TXNDC16: variants seen among roughly 807,000 people sequenced by gnomAD.
TXNDC16 encodes thioredoxin domain containing 16, also known as thioredoxin domain-containing protein 16.
Under a neutral mutation model 85.6 loss-of-function variants are expected in TXNDC16, and 74 were observed. The observed-to-expected ratio is 0.86, with a 90% CI of 0.72 to 1.05. The LOEUF (loss-of-function observed/expected upper bound fraction) is 1.05, where lower values mean the gene tolerates loss of function less well. Ranked by LOEUF, TXNDC16 falls within the 50% of genes least tolerant of loss-of-function variation. TXNDC16 has a pLI of 0.00. For missense variants in TXNDC16, 959 were observed against 947.0 expected (o/e 1.01, Z -0.17); for synonymous variants, 335 against 326.5 (o/e 1.03, Z -0.28).
chr14:52,464,162 A>G (rs1227994691), intron 16 of TXNDC16, among the ~76,000 whole-genome samples: 1 of 152,258 alleles, frequency 6.6e-6, no homozygotes, highest in Non-Finnish European at 1.5e-5. Flanking sequence ...AATGTAAAAA[A>G]TAATATGAAA....
Position 52,515,217 on chromosome 14 carries a change from T to C in TXNDC16, c.515-247A>G, listed in dbSNP as rs1332164441. On this transcript the variant is annotated intron_variant, in intron 7 of 20. Coordinates refer to ENST00000281741, the MANE Select transcript of TXNDC16 (RefSeq NM_020784.3). ...TGAGTTTTTACTTGAGAATATAATA[T>C]ACAACAAACTTGTGGTAGTTTCTTT... 4.6e-5 allele frequency among the ~76,000 whole-genome samples: 7 copies of C among 152,180 alleles called. No homozygotes were observed. In the East Asian group the frequency reaches 1.3e-3, roughly 29 times the overall value.
intron 9 of TXNDC16, 119 bp from the exon 10 acceptor site, chr14:52,491,124 A>G: frequency 9.1e-7 from 1 of 1,100,954 alleles, no homozygotes; most frequent in Non-Finnish European, 1.3e-6. Flanking sequence ...ATAATCCAAC[A>G]CTAACAGAAA....
Position 52,432,450 on chromosome 14 carries a change from TATC to T in TXNDC16, c.2329_2331del (p.Asp777del), listed in dbSNP as rs2034923843. On this transcript the variant is annotated inframe_deletion, in exon 21 of 21. Coordinates refer to ENST00000281741, the MANE Select transcript of TXNDC16 (RefSeq NM_020784.3). ...GCCGATTTATCTTCATGTTGTTCCTTATCATTCTCCTGCACATCTGTTTCTTTC... is the reference window on the plus strand; with the variant it reads ...GCCGATTTATCTTCATGTTGTTCCTTATTCTCCTGCACATCTGTTTCTTTC... The T allele has an allele frequency of 6.2e-7, 1 of 1,614,086 alleles. No individual in the cohort carries two copies. The highest frequency in any genetic ancestry group is 1.7e-5 in the Admixed American group (1 of 60,018).
intron 12 of TXNDC16, among the ~76,000 whole-genome samples, chr14:52,484,436 A>C (rs890364545): frequency 3.9e-5 from 6 of 152,236 alleles, no homozygotes; most frequent in Admixed American, 6.5e-5. Flanking sequence ...TCAACAATGG[A>C]CAACATATAC....
chr14:52,529,413 G>A (rs1054343949), intron 6 of TXNDC16, among the ~76,000 whole-genome samples: 2 of 149,924 alleles, frequency 1.3e-5, no homozygotes, highest in African/African-American at 2.5e-5. Context: ...CATGACACAG[G>A]TATACATATG....
rs77983852 is a variant in TXNDC16 at position 52,546,161 on chromosome 14, C to T, written c.-181-1790G>A. Among the ~76,000 whole-genome samples, 738 of 152,102 alleles carry T rather than the reference C, an allele frequency of 4.9e-3. 14 individuals are homozygous for T. The highest frequency in any genetic ancestry group is 0.039 in the Admixed American group (601 of 15,268). On this transcript the variant is annotated intron_variant, in intron 1 of 20. Coordinates refer to ENST00000281741, the MANE Select transcript of TXNDC16 (RefSeq NM_020784.3). ...AAATTGCCATGCATGGTGGCACACA[C>T]CTGTAGTCTCAGCTACCAGGGAAGC...
chr14:52,527,385 T>C (rs1235902481), intron 6 of TXNDC16, among the ~76,000 whole-genome samples: 2 of 152,210 alleles, frequency 1.3e-5, no homozygotes, highest in Non-Finnish European at 2.9e-5. Context: ...CTCAAACATC[T>C]GGTCACAGAA....
chr14:52,514,877 T>C lies in TXNDC16; in HGVS notation c.605+3A>G, dbSNP rs765089556. Reference sequence around the variant, plus strand: ...ATTGTTGACATATGCTTTTTATACATACCCAATACTTTCCAAAAGGGCAAT... The same window carrying C: ...ATTGTTGACATATGCTTTTTATACACACCCAATACTTTCCAAAAGGGCAAT... On this transcript the variant is annotated splice_donor_region_variant and intron_variant, in intron 8 of 20. Transcript: ENST00000281741. 4 of 1,600,218 alleles carry C rather than the reference T, an allele frequency of 2.5e-6. No homozygotes were observed. The South Asian group carries it at 3.4e-5, about 14-fold the overall frequency.
At chr14:52,464,030 G>A (rs1218614025) in intron 16 of TXNDC16, among the ~76,000 whole-genome samples, 1 of 152,160 alleles carries the variant, frequency 6.6e-6, no homozygotes, top group South Asian at 2.1e-4. Context: ...TGGCACACCA[G>A]AACTACCTTT....
intron 6 of TXNDC16, among the ~76,000 whole-genome samples, chr14:52,529,956 ATAT>A (rs914486532): frequency 2.6e-4 from 25 of 94,532 alleles, no homozygotes; most frequent in Admixed American, 7.9e-4. Flanking sequence ...TATATATTAC[ATAT>A]TATAATACAT....
intron 6 of TXNDC16, among the ~76,000 whole-genome samples, chr14:52,532,726 G>A (rs890627373): frequency 5.9e-5 from 9 of 151,800 alleles, no homozygotes; most frequent in Admixed American, 5.2e-4. Context: ...GTGAGCCACC[G>A]CACCCAGCCA....
At chr14:52,482,527 A>G (rs2036173723) in intron 13 of TXNDC16, among the ~76,000 whole-genome samples, 2 of 152,158 alleles carry the variant, frequency 1.3e-5, no homozygotes, top group Non-Finnish European at 2.9e-5. Flanking sequence ...GATAAAAGCA[A>G]TATACTTACT....
At chr14:52,508,940 G>T (rs1467237471) in intron 9 of TXNDC16, among the ~76,000 whole-genome samples, 1 of 152,090 alleles carries the variant, frequency 6.6e-6, no homozygotes, top group African/African-American at 2.4e-5. Context: ...AGCATTAGGA[G>T]ATATACCTAA....
At chr14:52,473,597 A>C (rs1291269855) in intron 14 of TXNDC16, among the ~76,000 whole-genome samples, 2 of 152,316 alleles carry the variant, frequency 1.3e-5, no homozygotes, top group Non-Finnish European at 2.9e-5. Flanking sequence ...TTCCTGTAAA[A>C]TGGTTCCAAT....
intron 6 of TXNDC16, among the ~76,000 whole-genome samples, chr14:52,534,741 AT>A (rs1291128982): frequency 2.6e-5 from 4 of 152,168 alleles, no homozygotes; most frequent in Admixed American, 6.5e-5. Flanking sequence ...TATTAATAAT[AT>A]TTTCTGTTTA....
intron 4 of TXNDC16, among the ~76,000 whole-genome samples, chr14:52,541,371 T>C (rs2037828206): frequency 6.6e-6 from 1 of 152,188 alleles, no homozygotes. Flanking sequence ...AACAGTATGA[T>C]TATCCCTTTT....
chr14:52,499,399 T>C (rs562535398), intron 9 of TXNDC16, among the ~76,000 whole-genome samples: 3 of 152,176 alleles, frequency 2.0e-5, no homozygotes, highest in African/African-American at 7.2e-5. Flanking sequence ...AGAGTTAACA[T>C]ACAGAACATA....
rs566209695 is a variant in TXNDC16, at chr14:52,436,467, G to A, written c.2194+2737C>T. 1.1e-4 allele frequency among the ~76,000 whole-genome samples: 16 copies of A among 152,202 alleles called. No individual in the cohort carries two copies. In the South Asian group the frequency reaches 3.3e-3, roughly 32 times the overall value. ...AATGGGTATGGGGTTTCTTTTTGGG[G>A]TGATGAAAATGTTCTGGAATTCAAC... On this transcript the variant is annotated intron_variant, in intron 20 of 20. Transcript: ENST00000281741.
At chr14:52,476,519 C>T (rs574597933) in intron 14 of TXNDC16, among the ~76,000 whole-genome samples, 3 of 152,046 alleles carry the variant, frequency 2.0e-5, no homozygotes, top group East Asian at 1.9e-4. Context: ...AAACAATAGA[C>T]GCACTTATAG....
Sources: gnomAD v4.1 joint callset for allele counts (sites outside exome capture counted in the v4.1 genomes callset) on GRCh38, gnomAD v4.1.1 for gene constraint, MANE v1.5 for transcripts, NCBI Gene and HGNC (gene_info 2026-07-23, HGNC 2026-07-21) for gene names.